Variants in GALK2 observed in about 807,000 individuals in gnomAD.
The protein encoded by GALK2 is N-acetylgalactosamine kinase.
A neutral mutation model predicts 52.4 loss-of-function variants in GALK2; 36 were observed. That is an observed-to-expected ratio of 0.69 (90% CI 0.53 to 0.91). The LOEUF (loss-of-function observed/expected upper bound fraction) is 0.91. GALK2 is among the 40% of genes least tolerant of loss of function. The pLI, the probability that GALK2 is intolerant of heterozygous loss-of-function variation, is 0.00. For missense variants in GALK2, 579 were observed against 559.1 expected (o/e 1.04, Z -0.36); for synonymous variants, 176 against 199.1 (o/e 0.88, Z 0.98).
intron 1 of GALK2, chr15:49,193,948 G>A (rs142391871): frequency 0.065 from 9,829 of 151,848 alleles, 376 homozygotes; most frequent in East Asian, 0.15. Flanking sequence ...AGATGGTCTC[G>A]ATCTCTTGAC....
chr15:49,158,525 G>C (rs566439005), intron 1 of GALK2, among the ~76,000 whole-genome samples: 59 of 152,182 alleles, frequency 3.9e-4, no homozygotes, highest in African/African-American at 1.2e-3. Flanking sequence ...ACTAATACTA[G>C]TACACTCTTA....
chr15:49,195,828 T>G (rs2087177945), intron 1 of GALK2, among the ~76,000 whole-genome samples: 1 of 151,852 alleles, frequency 6.6e-6, no homozygotes, highest in Admixed American at 6.6e-5. Context: ...CTTTTTTTTT[T>G]TATCCCTTTG....
intron 5 of GALK2, among the ~76,000 whole-genome samples, chr15:49,266,317 T>C (rs979444568): frequency 1.3e-5 from 2 of 152,002 alleles, no homozygotes; most frequent in Non-Finnish European, 2.9e-5. Context: ...ATTTAATGAG[T>C]GGAGAAACAG....
At chr15:49,342,521 C>G (rs1171328123) in intron 3 of GALK2, among the ~76,000 whole-genome samples, 8 of 152,104 alleles carry the variant, frequency 5.3e-5, no homozygotes, top group Admixed American at 6.5e-5. Context: ...AGCATTTAGA[C>G]TGTTTACATT....
chr15:49,293,943 CA>C lies in GALK2; in HGVS notation c.967+1407del, dbSNP rs373044955. Among the ~76,000 whole-genome samples, 852 of 151,874 alleles carry C rather than the reference CA, an allele frequency of 5.6e-3. 6 individuals carry two copies. Among genetic ancestry groups the C allele is most frequent in the African/African-American group, 0.02 (810 of 41,424 alleles). ...AGTAAAACCCTGCCTCTACCAGAAA[CA>C]CAAAAATAAGCCAGGCATGGTGGCA... is the stretch of plus-strand genomic sequence containing the variant. On this transcript the variant is annotated intron_variant, in intron 8 of 9. Coordinates refer to ENST00000560031, the MANE Select transcript of GALK2 (RefSeq NM_002044.4).
chr15:49,203,212 A>G (rs758862071), intron 2 of GALK2, among the ~76,000 whole-genome samples: 1 of 151,850 alleles, frequency 6.6e-6, no homozygotes, highest in Non-Finnish European at 1.5e-5. Flanking sequence ...CACCATGCCC[A>G]GGTAATTTTT....
chr15:49,209,116 CTCTA>C (rs1383591230), intron 2 of GALK2, among the ~76,000 whole-genome samples: 1 of 152,126 alleles, frequency 6.6e-6, no homozygotes, highest in African/African-American at 2.4e-5. Context: ...TTTTGCGGTT[CTCTA>C]TCTTTTAAGT....
At chr15:49,186,542 C>CTTTTT (rs71299506) in intron 1 of GALK2, among the ~76,000 whole-genome samples, 2 of 131,102 alleles carry the variant, frequency 1.5e-5, no homozygotes, top group African/African-American at 2.9e-5. Context: ...GAATTTTTTT[C>CTTTTT]TTTTTTTTTT....
In GALK2 at chr15:49,328,357, T is replaced by A; in HGVS notation, c.*198T>A. On this transcript the variant is annotated 3_prime_UTR_variant, in exon 10 of 10. Coordinates refer to ENST00000560031, the MANE Select transcript of GALK2 (RefSeq NM_002044.4). ...TCTTTTTCCATCTTAAAATATGGTT[T>A]TACTATTAAGAGCCAAGATCATGCT... The A allele has an allele frequency of 1.4e-6, 2 of 1,429,402 alleles. No individual in the cohort carries two copies. Among genetic ancestry groups the A allele is most frequent in the Non-Finnish European group, 9.1e-7 (1 of 1,095,542 alleles). The allele number at this position is 1,429,402 out of a possible 1,614,324, so 88.5% of individuals were successfully genotyped here.
chr15:49,316,554 T>C (rs993835168), intron 8 of GALK2, among the ~76,000 whole-genome samples: 18 of 152,218 alleles, frequency 1.2e-4, no homozygotes, highest in African/African-American at 4.3e-4. Context: ...ACATGGCACA[T>C]GTATACATAT....
chr15:49,257,194 T>A (rs1200066944), intron 5 of GALK2, among the ~76,000 whole-genome samples: 9 of 152,320 alleles, frequency 5.9e-5, no homozygotes, highest in Admixed American at 1.3e-4. Flanking sequence ...TTCCGCCTAG[T>A]TGCTAATAGG....
At chr15:49,204,144 A>G (rs967927965) in intron 2 of GALK2, among the ~76,000 whole-genome samples, 6 of 151,552 alleles carry the variant, frequency 4.0e-5, no homozygotes, top group African/African-American at 1.2e-4. Context: ...CTGTAAATAC[A>G]TGGATTTAGC....
intron 3 of GALK2, among the ~76,000 whole-genome samples, chr15:49,348,520 G>A (rs764207180): frequency 6.6e-6 from 1 of 152,144 alleles, no homozygotes; most frequent in Non-Finnish European, 1.5e-5. Flanking sequence ...CTCTAAACTA[G>A]AATATAGGTT....
chr15:49,350,475 C>T (rs1023949042), intron 3 of GALK2, among the ~76,000 whole-genome samples: 13 of 152,120 alleles, frequency 8.5e-5, no homozygotes, highest in Non-Finnish European at 1.6e-4. Context: ...TACTAATTCT[C>T]GATCTGTTAA....
At chr15:49,189,873 A>C (rs1038995606) in intron 1 of GALK2, among the ~76,000 whole-genome samples, 1 of 152,196 alleles carries the variant, frequency 6.6e-6, no homozygotes, top group Admixed American at 6.5e-5. Flanking sequence ...TTTCCATTTA[A>C]TATTTTCAGA....
At chr15:49,337,314 G>A (rs1017473875) in intron 3 of GALK2, among the ~76,000 whole-genome samples, 1 of 152,122 alleles carries the variant, frequency 6.6e-6, no homozygotes, top group Non-Finnish European at 1.5e-5. Flanking sequence ...CACCAACAAT[G>A]TATAAGCTTT....
chr15:49,357,007 G>T (rs1164944813), intron 3 of GALK2, among the ~76,000 whole-genome samples: 2 of 151,080 alleles, frequency 1.3e-5, no homozygotes, highest in Middle Eastern at 3.4e-3. Flanking sequence ...CGAAATGAAG[G>T]CAGAAATAAA....
intron 1 of GALK2, 103 bp downstream of exon 1, chr15:49,170,478 C>A: frequency 8.2e-7 from 1 of 1,218,040 alleles, no homozygotes; most frequent in Non-Finnish European, 1.2e-6. Flanking sequence ...CTTTTGGTCC[C>A]GGGGAGCAAG....
chr15:49,250,246 G>C (rs1233025435), intron 5 of GALK2, among the ~76,000 whole-genome samples: 1 of 152,172 alleles, frequency 6.6e-6, no homozygotes, highest in Non-Finnish European at 1.5e-5. Flanking sequence ...ATCATATTGT[G>C]TGGAGAAGAA....
Sources: allele counts gnomAD v4.1 joint callset (sites outside exome capture counted in the v4.1 genomes callset), GRCh38; gene constraint gnomAD v4.1.1; transcripts MANE v1.5; gene names NCBI Gene and HGNC (gene_info 2026-07-23, HGNC 2026-07-21).